Variants in COG4 observed in about 807,000 individuals in gnomAD.
COG4 encodes conserved oligomeric Golgi complex subunit 4.
COG4 carries 65 observed loss-of-function variants against 95.1 expected under a neutral mutation model. The observed-to-expected ratio is 0.68, with a 90% CI of 0.56 to 0.84. COG4 has a LOEUF of 0.84. Among genes scored for constraint, COG4 ranks in the 40% least tolerant of loss-of-function variants. COG4 has a pLI of 0.00. For missense variants in COG4, 1,045 were observed against 989.1 expected (o/e 1.06, Z -0.76); for synonymous variants, 421 against 374.8 (o/e 1.12, Z -1.42).
chr16:70,507,549 A>T (rs2049603986), intron 8 of COG4, among the ~76,000 whole-genome samples: 1 of 152,006 alleles, frequency 6.6e-6, no homozygotes, highest in Non-Finnish European at 1.5e-5. Flanking sequence ...TCGTCTAATG[A>T]TGTATTTCTC....
At chr16:70,517,871 A>C (rs996039826) in intron 2 of COG4, 131 bp from the exon 3 acceptor site, 20 of 687,914 alleles carry the variant, frequency 2.9e-5, no homozygotes, top group Non-Finnish European at 4.5e-5. Context: ...AGTTTGCTCT[A>C]TACTCAGCTT....
chr16:70,493,426 A>C (rs1281307497), intron 12 of COG4, among the ~76,000 whole-genome samples: 4 of 152,038 alleles, frequency 2.6e-5, no homozygotes, highest in Non-Finnish European at 5.9e-5. Flanking sequence ...TTTAAATGTA[A>C]ATTTCAATAG....
At chr16:70,521,067 T>C (rs1176024964) in intron 1 of COG4, among the ~76,000 whole-genome samples, 16 of 152,176 alleles carry the variant, frequency 1.1e-4, no homozygotes, top group Admixed American at 1.0e-3. Context: ...AATTTTTTTG[T>C]AGCCACGAGG....
chr16:70,491,449 G>T (rs1242101979), intron 12 of COG4, among the ~76,000 whole-genome samples: 1 of 140,976 alleles, frequency 7.1e-6, no homozygotes, highest in Non-Finnish European at 1.5e-5. Context: ...GAACCTGGGA[G>T]ATGAGAGGTT....
intron 2 of COG4, among the ~76,000 whole-genome samples, chr16:70,518,697 G>A (rs1291638520): frequency 1.2e-4 from 18 of 152,008 alleles, no homozygotes; most frequent in Admixed American, 1.2e-3. Flanking sequence ...GTGGTTCTCG[G>A]CCGGGCATGG....
chr16:70,516,603 G>A (rs931332785), intron 3 of COG4, among the ~76,000 whole-genome samples: 1 of 152,010 alleles, frequency 6.6e-6, no homozygotes, highest in African/African-American at 2.4e-5. Context: ...GCCTTGTTGA[G>A]TACCTTTATG....
chr16:70,485,100 T>A (rs1481096930), intron 13 of COG4, among the ~76,000 whole-genome samples: 1 of 151,982 alleles, frequency 6.6e-6, no homozygotes, highest in African/African-American at 2.4e-5. Context: ...CTGAGCATGG[T>A]GGCTCACTAT....
At chr16:70,521,074 G>A (rs990467444) in intron 1 of COG4, among the ~76,000 whole-genome samples, 1 of 151,980 alleles carries the variant, frequency 6.6e-6, no homozygotes. Flanking sequence ...TTGTAGCCAC[G>A]AGGTCTCACT....
Position 70,494,998 on chromosome 16 carries a change from A to G in COG4, c.1647+1268T>C, listed in dbSNP as rs181675070. Among the ~76,000 whole-genome samples the G allele has an allele frequency of 1.6e-4, 24 of 152,218 alleles. No homozygotes were observed. The Middle Eastern group carries it at 0.01, about 65-fold the overall frequency. On this transcript the variant is annotated intron_variant, in intron 12 of 18. Coordinates refer to ENST00000323786, the MANE Select transcript of COG4 (RefSeq NM_015386.3). ...TGGATCTGTCTCATAACTAGTTACT[A>G]TGGGTTCCTCTGCACAGGGCTTGGT...
At chr16:70,508,539 C>A in intron 7 of COG4, 75 bp from the exon 8 acceptor site, 1 of 1,283,308 alleles carries the variant, frequency 7.8e-7, no homozygotes, top group Non-Finnish European at 1.1e-6. Flanking sequence ...TCACTCCAAA[C>A]TTTTGGCATA....
Position 70,492,606 on chromosome 16 carries a change from AGCCAAGATCGC to A in COG4, c.1648-2225_1648-2215del, listed in dbSNP as rs1422957069. ...AACCCAGCGGGCAGAGGTTGCAGTG[AGCCAAGATCGC>A]GCCATTGCACTCCAGCCTGTGCAAC... On this transcript the variant is annotated intron_variant, in intron 12 of 18. Transcript: ENST00000323786. 2.6e-5 allele frequency among the ~76,000 whole-genome samples: 4 copies of A among 151,192 alleles called. No individual in the cohort carries two copies. The Admixed American group carries it at 2.7e-4, about 10-fold the overall frequency.
chr16:70,481,263 G>C, intron 18 of COG4, 96 bp downstream of exon 18: 1 of 1,607,236 alleles, frequency 6.2e-7, no homozygotes, highest in East Asian at 2.2e-5. Context: ...TATAGAGCTG[G>C]CTGCTGGCAG....
Position 70,480,936 on chromosome 16 carries a change from C to A in COG4, c.*74G>T. 3.2e-6 allele frequency: 5 copies of A among 1,581,082 alleles called. No homozygotes were observed. The highest frequency in any genetic ancestry group is 4.3e-6 in the Non-Finnish European group (5 of 1,158,876). On this transcript the variant is annotated 3_prime_UTR_variant, in exon 19 of 19. Coordinates refer to ENST00000323786, the MANE Select transcript of COG4 (RefSeq NM_015386.3). Reference sequence around the variant, plus strand: ...ATCTCCCCCAAGCCAGACAGCCTCGCTCAGCTCCTTGGCTGGGGCCCCTTA... The same window carrying A: ...ATCTCCCCCAAGCCAGACAGCCTCGATCAGCTCCTTGGCTGGGGCCCCTTA...
At chr16:70,517,317 G>C (rs2049841893) in intron 3 of COG4, among the ~76,000 whole-genome samples, 1 of 152,010 alleles carries the variant, frequency 6.6e-6, no homozygotes, top group Non-Finnish European at 1.5e-5. Context: ...GATCACCTGA[G>C]GTCAGGAGTT....
At chr16:70,509,124 T>A in intron 7 of COG4, 107 bp downstream of exon 7, 1 of 1,402,218 alleles carries the variant, frequency 7.1e-7, no homozygotes, top group South Asian at 1.2e-5. Flanking sequence ...TTTATTTTTC[T>A]CCTGTCTGCA....
chr16:70,515,996 ATCAGGC>A (rs1352175834), intron 3 of COG4: 1 of 455,894 alleles, frequency 2.2e-6, no homozygotes, highest in Non-Finnish European at 4.4e-6. Context: ...GATGCTCTTT[ATCAGGC>A]TGAGAAGTTC....
At chr16:70,487,384 G>A (rs954202974) in intron 13 of COG4, among the ~76,000 whole-genome samples, 2 of 151,946 alleles carry the variant, frequency 1.3e-5, no homozygotes, top group Admixed American at 6.5e-5. Flanking sequence ...ATCACTTGAG[G>A]CCAGGAGTTC....
Position 70,482,734 on chromosome 16 carries a change from C to T in COG4, c.1915G>A (p.Glu639Lys), listed in dbSNP as rs373916407. The stretch of plus-strand genomic sequence containing the variant: ...CTGCCTGTGGCCAGGCTAACCTCCT[C>T]GATGTTGTGGGAGACGGAGAAAAAG... ...NSFFSVSHNI[E>K]EEEFNDYEAN... The change falls in exon 15 of 19, where the codon GAG becomes AAG. Residue 639 changes from glutamate (E) to lysine (K), a missense_variant. Glu to Lys is a moderately conservative substitution (Grantham distance 56, BLOSUM62 1). Transcript: ENST00000323786. 9.9e-6 allele frequency: 16 copies of T among 1,613,404 alleles called. No homozygotes were observed. The highest frequency in any genetic ancestry group is 2.2e-5 in the South Asian group (2 of 91,058).
intron 11 of COG4, among the ~76,000 whole-genome samples, chr16:70,496,861 A>C (rs533120036): frequency 6.6e-6 from 1 of 152,342 alleles, no homozygotes; most frequent in East Asian, 1.9e-4. Context: ...AACAGAGCTA[A>C]CAGTTCCTAC....
Sources: gnomAD v4.1 joint callset for allele counts (sites outside exome capture counted in the v4.1 genomes callset) on GRCh38, gnomAD v4.1.1 for gene constraint, MANE v1.5 for transcripts, NCBI Gene and HGNC (gene_info 2026-07-23, HGNC 2026-07-21) for gene names.